Variants in CHD2 observed in about 807,000 individuals in gnomAD.
CHD2 encodes the protein chromodomain helicase DNA binding protein 2, also known as ATP-dependent chromatin remodeler CHD2.
A neutral mutation model predicts 243.9 loss-of-function variants in CHD2; 28 were observed. The observed-to-expected ratio is 0.11, with a 90% CI of 0.09 to 0.16. The LOEUF (loss-of-function observed/expected upper bound fraction) is 0.16. CHD2 is among the 10% of genes least tolerant of loss of function. The pLI is 1.00. For missense variants in CHD2, 1,386 were observed against 2,209.8 expected (o/e 0.63, Z 7.47); for synonymous variants, 775 against 779.0 (o/e 0.99, Z 0.09).
chr15:93,016,972 A>G (rs536894480), intron 37 of CHD2, among the ~76,000 whole-genome samples: 39 of 152,292 alleles, frequency 2.6e-4, no homozygotes, highest in Middle Eastern at 6.8e-3. Context: ...GAGATGACCA[A>G]CCTTGCTACT....
Position 93,020,151 on chromosome 15 carries a change from T to C in CHD2, c.5046T>C (p.Asp1682=). The C allele has an allele frequency of 6.2e-7, 1 of 1,614,084 alleles. No homozygotes were observed. The highest frequency in any genetic ancestry group is 8.5e-7 in the Non-Finnish European group (1 of 1,180,010). ...DHHYGDRRHM[D]AHRSGSYRPN... is the part of the protein sequence containing the mutation. Reference sequence around the variant, plus strand: ...ATTATGGGGACCGGCGACATATGGATGCCCACCGTTCCGGAAGCTATCGAC... The same window carrying C: ...ATTATGGGGACCGGCGACATATGGACGCCCACCGTTCCGGAAGCTATCGAC... Residue 1682 remains aspartate (D), a synonymous_variant, in exon 38 of 39, where the codon GAT becomes GAC. Coordinates refer to ENST00000394196, the MANE Select transcript of CHD2 (RefSeq NM_001271.4).
At chr15:92,928,207 T>C (rs2053098710) in intron 4 of CHD2, among the ~76,000 whole-genome samples, 1 of 152,228 alleles carries the variant, frequency 6.6e-6, no homozygotes, top group South Asian at 2.1e-4. Flanking sequence ...TGATGTTTTA[T>C]TTTGAGTGAC....
At position 93,014,756 on chromosome 15, in the gene CHD2, GGCTCCA is replaced by G; in HGVS notation, c.4756_4761del (p.Ser1586_Ser1587del). On this transcript the variant is annotated inframe_deletion, in exon 37 of 39. Transcript: ENST00000394196. ...GAAACCATTTCGTCCAGAGGCCTCA[GGCTCCA>G]GCCGGGACTCTCTGATATCTCAGTC... 6.2e-7 allele frequency: 1 copy of G among 1,614,188 alleles called. No individual in the cohort carries two copies. The highest frequency in any genetic ancestry group is 8.5e-7 in the Non-Finnish European group (1 of 1,180,014).
At chr15:92,963,088 T>C (rs542750161) in intron 16 of CHD2, among the ~76,000 whole-genome samples, 3 of 152,360 alleles carry the variant, frequency 2.0e-5, no homozygotes, top group East Asian at 1.9e-4. Flanking sequence ...ATGTGTCTTA[T>C]AGACAACCTG....
At chr15:93,014,545 T>C in intron 36 of CHD2, 151 bp from the exon 37 acceptor site, 1 of 664,824 alleles carries the variant, frequency 1.5e-6, no homozygotes, top group East Asian at 2.7e-5. Flanking sequence ...CAGTGGAATT[T>C]ATGAGCCTTT....
intron 2 of CHD2, among the ~76,000 whole-genome samples, chr15:92,903,798 T>C (rs2141701199): frequency 6.6e-6 from 1 of 152,340 alleles, no homozygotes; most frequent in East Asian, 1.9e-4. Context: ...ATCTTAAGAA[T>C]TGAACGAGTT....
rs1016620155 is a variant in CHD2, at chr15:93,026,600, C to T, written c.*1895C>T. 6.6e-6 allele frequency: 1 copy of T among 152,336 alleles called. No individual in the cohort carries two copies. Among genetic ancestry groups the T allele is most frequent in the African/African-American group, 2.4e-5 (1 of 41,478 alleles). 9.4% of individuals were successfully genotyped at this position (152,336 alleles called of 1,614,324 possible). On this transcript the variant is annotated 3_prime_UTR_variant, in exon 39 of 39. Coordinates refer to ENST00000394196, the MANE Select transcript of CHD2 (RefSeq NM_001271.4). ...AAAGCTCCGGTGACTGCATGAGCCA[C>T]CTGGCCACAGTCCTCCCATGGAGGG...
intron 2 of CHD2, among the ~76,000 whole-genome samples, chr15:92,924,055 C>G (rs2053011696): frequency 6.6e-6 from 1 of 152,104 alleles, no homozygotes; most frequent in Non-Finnish European, 1.5e-5. Flanking sequence ...TATCCATGTT[C>G]AGAGTTTCTG....
At chr15:93,013,658 G>A (rs1447691660) in intron 36 of CHD2, among the ~76,000 whole-genome samples, 1 of 152,186 alleles carries the variant, frequency 6.6e-6, no homozygotes, top group African/African-American at 2.4e-5. Context: ...AATGTGGCTA[G>A]GCGCGGTGGC....
intron 2 of CHD2, among the ~76,000 whole-genome samples, chr15:92,907,135 G>A (rs1353783378): frequency 6.6e-6 from 1 of 152,136 alleles, no homozygotes; most frequent in Non-Finnish European, 1.5e-5. Context: ...AGTCTAGGGG[G>A]AGAGACATTT....
At chr15:92,960,337 T>C (rs2053668410) in intron 16 of CHD2, among the ~76,000 whole-genome samples, 2 of 152,318 alleles carry the variant, frequency 1.3e-5, no homozygotes, top group Non-Finnish European at 2.9e-5. Flanking sequence ...TTTCTTCTTC[T>C]TGCCTTATTG....
intron 28 of CHD2, among the ~76,000 whole-genome samples, chr15:92,994,130 T>A (rs1452244789): frequency 6.6e-6 from 1 of 152,222 alleles, no homozygotes; most frequent in Non-Finnish European, 1.5e-5. Flanking sequence ...TGGTTAAATC[T>A]TCAGGCTCCA....
At chr15:92,948,572 G>A (rs539388826) in intron 12 of CHD2, among the ~76,000 whole-genome samples, 4 of 152,278 alleles carry the variant, frequency 2.6e-5, no homozygotes, top group South Asian at 4.1e-4. Flanking sequence ...GGTGGCTCAC[G>A]CCTGTAATCC....
At chr15:92,994,771 C>G (rs1012160069) in intron 28 of CHD2, among the ~76,000 whole-genome samples, 1 of 152,202 alleles carries the variant, frequency 6.6e-6, no homozygotes, top group Non-Finnish European at 1.5e-5. Flanking sequence ...TTTTTTATCT[C>G]ATAGTATCTT....
intron 5 of CHD2, among the ~76,000 whole-genome samples, chr15:92,936,776 A>T (rs540360113): frequency 1.3e-5 from 2 of 152,234 alleles, no homozygotes; most frequent in South Asian, 4.2e-4. Context: ...GTTGAAATTC[A>T]TATTTTTTAG....
chr15:92,981,322 T>C, intron 23 of CHD2, 43 bp from the exon 24 acceptor site: 1 of 1,419,920 alleles, frequency 7.0e-7, no homozygotes, highest in Non-Finnish European at 9.9e-7. Flanking sequence ...GCAACTCATC[T>C]GTTGCCATTT....
At chr15:93,004,345 T>G (rs8042437) in intron 33 of CHD2, among the ~76,000 whole-genome samples, 1 of 151,914 alleles carries the variant, frequency 6.6e-6, no homozygotes, top group Non-Finnish European at 1.5e-5. Context: ...GTGCATTTTA[T>G]GGATAAAGGA....
intron 2 of CHD2, 34 bp downstream of exon 2, chr15:92,901,333 T>C (rs746969681): frequency 7.2e-7 from 1 of 1,379,542 alleles, no homozygotes; most frequent in Non-Finnish European, 1.0e-6. Flanking sequence ...TTTTTGTCTT[T>C]TTTTTTGGGG....
At chr15:92,981,812 G>A (rs1343803992) in intron 24 of CHD2, among the ~76,000 whole-genome samples, 1 of 152,212 alleles carries the variant, frequency 6.6e-6, no homozygotes. Flanking sequence ...TAGGAAAAGA[G>A]TAGATGACAA....
Sources: gnomAD v4.1 joint callset for allele counts (sites outside exome capture counted in the v4.1 genomes callset) on GRCh38, gnomAD v4.1.1 for gene constraint, MANE v1.5 for transcripts, NCBI Gene and HGNC (gene_info 2026-07-23, HGNC 2026-07-21) for gene names.